OXR1: variants seen among roughly 807,000 people sequenced by gnomAD.
The protein encoded by OXR1 is oxidation resistance 1.
In OXR1, 41 loss-of-function variants were observed where a neutral mutation model predicts 104.6. That is an observed-to-expected ratio of 0.39 (90% CI 0.31 to 0.51). The LOEUF (loss-of-function observed/expected upper bound fraction) is 0.51, where lower values mean the gene tolerates loss of function less well. Among genes scored for constraint, OXR1 ranks in the 20% least tolerant of loss-of-function variants. The pLI, the probability that OXR1 is intolerant of heterozygous loss-of-function variation, is 0.77. For synonymous variants in OXR1, 348 were observed against 348.4 expected, an observed-to-expected ratio of 1.00 and a Z score of 0.01; for missense variants, 955 against 1,031.9, an observed-to-expected ratio of 0.93 and a Z score of 1.02.
At chr8:106,459,575 C>G (rs768047718) in intron 2 of OXR1, among the ~76,000 whole-genome samples, 3 of 152,144 alleles carry the variant, frequency 2.0e-5, no homozygotes, top group Admixed American at 6.6e-5. Flanking sequence ...AACTATCTAG[C>G]TTCTAGCACA....
At position 106,683,118 on chromosome 8, in the gene OXR1, G is replaced by C. The variant is rs1397670817; in HGVS notation, c.304-81G>C. On this transcript the variant is annotated intron_variant, in intron 4 of 16. Coordinates refer to ENST00000517566, the MANE Select transcript of OXR1 (RefSeq NM_001198533.2). ...TTAATCAAATGTAAGCTGGTCCCTA[G>C]ATATATTAATGCTCATTAAATATTA... 4.6e-6 allele frequency: 3 copies of C among 654,082 alleles called. No individual in the cohort carries two copies. In the African/African-American group the frequency reaches 5.5e-5, roughly 12 times the overall value. The allele number at this position is 654,082 out of a possible 1,614,324, so 40.5% of individuals were successfully genotyped here.
At chr8:106,707,460 C>T (rs2131378098) in intron 9 of OXR1, 1 of 476,396 alleles carries the variant, frequency 2.1e-6, no homozygotes, top group Non-Finnish European at 3.6e-6. Flanking sequence ...CCTTTGATCA[C>T]TCCATTTTCT....
intron 3 of OXR1, among the ~76,000 whole-genome samples, chr8:106,629,714 G>C (rs369816655): frequency 1.3e-5 from 2 of 151,866 alleles, no homozygotes; most frequent in East Asian, 3.9e-4. Flanking sequence ...CACCACAAAG[G>C]CATTTCATAA....
intron 10 of OXR1, among the ~76,000 whole-genome samples, chr8:106,712,915 A>T (rs1831844482): frequency 6.6e-6 from 1 of 151,946 alleles, no homozygotes; most frequent in Admixed American, 6.6e-5. Flanking sequence ...CCCTATTTTA[A>T]TATTCATTCT....
chr8:106,445,352 T>C (rs927679537), intron 2 of OXR1, among the ~76,000 whole-genome samples: 1 of 152,188 alleles, frequency 6.6e-6, no homozygotes, highest in African/African-American at 2.4e-5. Flanking sequence ...GCAGCTTTAT[T>C]GTAAGAGTCC....
At position 106,349,523 on chromosome 8, in the gene OXR1, G is replaced by A. The variant is rs542780787; in HGVS notation, c.-138-9953G>A. ...GCAAAACAGAAACGAAAACAACCTC[G>A]GACTACCATTTAATAAAAAATCAGG... On this transcript the variant is annotated intron_variant, in intron 1 of 16. Coordinates refer to ENST00000517566, the MANE Select transcript of OXR1 (RefSeq NM_001198533.2). Among the ~76,000 whole-genome samples, 22 of 152,062 alleles carry A rather than the reference G, an allele frequency of 1.4e-4. No individual in the cohort carries two copies. In the East Asian group the frequency reaches 2.5e-3, roughly 17 times the overall value.
chr8:106,489,957 T>C lies in OXR1; in HGVS notation c.24-28986T>C, dbSNP rs563668653. 4.6e-5 allele frequency among the ~76,000 whole-genome samples: 7 copies of C among 152,306 alleles called. No homozygotes were observed. In the East Asian group the frequency reaches 1.4e-3, roughly 29 times the overall value. ...AGAGAGAATGAAGTATTATTAAAAA[T>C]TATACCAGGACAACTGGCTTAAATT... On this transcript the variant is annotated intron_variant, in intron 2 of 16. Transcript: ENST00000517566.
chr8:106,750,109 A>G (rs1047988010), intron 16 of OXR1, among the ~76,000 whole-genome samples: 2 of 151,610 alleles, frequency 1.3e-5, no homozygotes, highest in African/African-American at 2.4e-5. Context: ...TGCGAAAGTC[A>G]TGTTAAATAT....
At chr8:106,697,443 A>G in intron 7 of OXR1, 1 of 1,550,738 alleles carries the variant, frequency 6.4e-7, no homozygotes. Flanking sequence ...CTGGTGTGGC[A>G]TCCAGTAGCC....
At chr8:106,424,149 G>A (rs1333217112) in intron 2 of OXR1, among the ~76,000 whole-genome samples, 2 of 151,860 alleles carry the variant, frequency 1.3e-5, no homozygotes, top group East Asian at 3.9e-4. Context: ...TTTTGGCCAG[G>A]CTGGTCTCAA....
chr8:106,590,429 A>C (rs1818988451), intron 3 of OXR1, among the ~76,000 whole-genome samples: 1 of 152,196 alleles, frequency 6.6e-6, no homozygotes, highest in Non-Finnish European at 1.5e-5. Flanking sequence ...CTGGGACTAC[A>C]GGCATGCGCC....
chr8:106,312,816 A>G (rs1258937930), intron 1 of OXR1, among the ~76,000 whole-genome samples: 1 of 152,186 alleles, frequency 6.6e-6, no homozygotes, highest in Non-Finnish European at 1.5e-5. Flanking sequence ...AGACCCTATA[A>G]ATTGGCCCAA....
At chr8:106,721,402 C>G (rs1053394684) in intron 11 of OXR1, among the ~76,000 whole-genome samples, 4 of 152,060 alleles carry the variant, frequency 2.6e-5, no homozygotes, top group Non-Finnish European at 5.9e-5. Flanking sequence ...TTTATTTAGT[C>G]TCCCACACAT....
At chr8:106,487,431 T>C (rs1215448403) in intron 2 of OXR1, among the ~76,000 whole-genome samples, 1 of 151,556 alleles carries the variant, frequency 6.6e-6, no homozygotes, top group African/African-American at 2.4e-5. Flanking sequence ...TATTTTGTTT[T>C]TTTTATTATA....
chr8:106,322,325 A>C lies in OXR1; in HGVS notation c.-138-37151A>C, dbSNP rs558631692. Among the ~76,000 whole-genome samples, 4 of 152,344 alleles carry C rather than the reference A, an allele frequency of 2.6e-5. No homozygotes were observed. In the South Asian group the frequency reaches 8.3e-4, roughly 32 times the overall value. On this transcript the variant is annotated intron_variant, in intron 1 of 16. Transcript: ENST00000517566. ...CATGATTATCTCAATACATGCAAAA[A>C]GGCTTTCGATAAAATTCAACACCCC...
At chr8:106,300,465 AT>A (rs1287125919) in intron 1 of OXR1, among the ~76,000 whole-genome samples, 1 of 151,762 alleles carries the variant, frequency 6.6e-6, no homozygotes, top group Non-Finnish European at 1.5e-5. Context: ...TCTCATGTTG[AT>A]TTCTATATTT....
intron 11 of OXR1, among the ~76,000 whole-genome samples, chr8:106,727,006 C>T (rs1833409091): frequency 6.6e-6 from 1 of 152,076 alleles, no homozygotes; most frequent in African/African-American, 2.4e-5. Context: ...TTGGAAGATG[C>T]CCCCAAAGCA....
At chr8:106,388,714 G>A (rs560366543) in intron 2 of OXR1, among the ~76,000 whole-genome samples, 97 of 152,242 alleles carry the variant, frequency 6.4e-4, no homozygotes, top group African/African-American at 2.3e-3. Flanking sequence ...GAGCCACCTT[G>A]CCCAGCCTTT....
At position 106,565,630 on chromosome 8, in the gene OXR1, T is replaced by G. The variant is rs527794292; in HGVS notation, c.220+46491T>G. Among the ~76,000 whole-genome samples the G allele has an allele frequency of 3.9e-5, 6 of 152,222 alleles. No homozygotes were observed. In the South Asian group the frequency reaches 1.2e-3, roughly 32 times the overall value. On this transcript the variant is annotated intron_variant, in intron 3 of 16. Coordinates refer to ENST00000517566, the MANE Select transcript of OXR1 (RefSeq NM_001198533.2). ...TTCACAGAATTAGAAAAAAACTACTTTAAATTCTATATGGAACCAAAAAAG... is the reference window on the plus strand; with the variant it reads ...TTCACAGAATTAGAAAAAAACTACTGTAAATTCTATATGGAACCAAAAAAG...
Sources: gnomAD v4.1 joint callset for allele counts (sites outside exome capture counted in the v4.1 genomes callset) on GRCh38, gnomAD v4.1.1 for gene constraint, MANE v1.5 for transcripts, NCBI Gene and HGNC (gene_info 2026-07-23, HGNC 2026-07-21) for gene names.